Variants in AGBL1 observed in about 807,000 individuals in gnomAD.
AGBL1 encodes cytosolic carboxypeptidase 4.
In AGBL1, 130 loss-of-function variants were observed where a neutral mutation model predicts 118.9. The ratio of observed to expected loss-of-function variants is 1.09; its 90% CI spans 0.95 to 1.26. The LOEUF is 1.26. Among genes scored for constraint, AGBL1 ranks in the 50% most tolerant of loss-of-function variants. The probability of loss-of-function intolerance (pLI) is 0.00; values close to 1 mark genes in which losing one functional copy is unlikely to be tolerated. For missense variants in AGBL1, 1,584 were observed against 1,298.1 expected (o/e 1.22, Z -3.38); for synonymous variants, 555 against 478.9 (o/e 1.16, Z -2.08).
At chr15:86,988,095 A>G (rs774120519) in intron 24 of AGBL1, 10 of 1,613,044 alleles carry the variant, frequency 6.2e-6, no homozygotes, top group Non-Finnish European at 8.5e-6. Flanking sequence ...CCCCGTGAGT[A>G]TGTCAGTTTC....
chr15:86,892,050 A>T (rs933063028), intron 22 of AGBL1, among the ~76,000 whole-genome samples: 5 of 152,214 alleles, frequency 3.3e-5, no homozygotes, highest in Non-Finnish European at 7.3e-5. Context: ...CACTTAGGTC[A>T]ACCCATTTTT....
At chr15:86,840,688 C>A (rs539078603) in intron 22 of AGBL1, among the ~76,000 whole-genome samples, 117 of 152,232 alleles carry the variant, frequency 7.7e-4, no homozygotes, top group Non-Finnish European at 1.4e-3. Context: ...GATCCACCCA[C>A]CTCAGCCTCC....
chr15:86,301,837 C>T (rs895250713), intron 17 of AGBL1, among the ~76,000 whole-genome samples: 1 of 152,066 alleles, frequency 6.6e-6, no homozygotes, highest in South Asian at 2.1e-4. Context: ...ATAAACTCCA[C>T]GTGCCTGGTG....
intron 22 of AGBL1, among the ~76,000 whole-genome samples, chr15:86,893,160 C>T (rs910496239): frequency 1.3e-5 from 2 of 152,048 alleles, no homozygotes; most frequent in Non-Finnish European, 2.9e-5. Context: ...AGGAGACATT[C>T]GGTGGAGCTC....
chr15:87,019,859 A>AGAT (rs1311636869), intron 24 of AGBL1, among the ~76,000 whole-genome samples: 1 of 152,010 alleles, frequency 6.6e-6, no homozygotes, highest in African/African-American at 2.4e-5. Flanking sequence ...ATAATAAAAT[A>AGAT]GATATACCAC....
intron 1 of AGBL1, among the ~76,000 whole-genome samples, chr15:86,103,810 T>C (rs1896874105): frequency 6.6e-6 from 1 of 152,222 alleles, no homozygotes; most frequent in Non-Finnish European, 1.5e-5. Context: ...TTAGCTATTC[T>C]AGGCAATTTG....
chr15:86,715,941 T>A (rs2086631348), intron 22 of AGBL1, among the ~76,000 whole-genome samples: 2 of 151,656 alleles, frequency 1.3e-5, no homozygotes, highest in South Asian at 2.1e-4. Flanking sequence ...TGCCGAGTAG[T>A]CCCAGCTACT....
intron 1 of AGBL1, among the ~76,000 whole-genome samples, chr15:86,080,942 G>T (rs1460393107): frequency 6.6e-6 from 1 of 152,038 alleles, no homozygotes; most frequent in Non-Finnish European, 1.5e-5. Flanking sequence ...TGGGGGCGGG[G>T]GGGGGTCCAT....
Position 86,652,886 on chromosome 15 carries a change from A to T in AGBL1, c.2995-21387A>T, listed in dbSNP as rs147787384. On this transcript the variant is annotated intron_variant, in intron 21 of 22. Transcript: ENST00000614907. ...ATCTAGAGACATTTTGGGTTGTCCTAACTAGGTACGGATGCAATGGGCATC... is the reference window on the plus strand; with the variant it reads ...ATCTAGAGACATTTTGGGTTGTCCTTACTAGGTACGGATGCAATGGGCATC... 1.3e-4 allele frequency among the ~76,000 whole-genome samples: 20 copies of T among 152,202 alleles called. No individual in the cohort carries two copies. The East Asian group carries it at 3.9e-3, about 30-fold the overall frequency.
At chr15:86,514,233 A>C (rs1243392392) in intron 18 of AGBL1, among the ~76,000 whole-genome samples, 2 of 152,066 alleles carry the variant, frequency 1.3e-5, no homozygotes, top group African/African-American at 4.8e-5. Flanking sequence ...TGATTTCAAT[A>C]CAAAATCACA....
chr15:86,536,774 GA>G (rs1567045528), intron 19 of AGBL1, among the ~76,000 whole-genome samples: 1 of 152,210 alleles, frequency 6.6e-6, no homozygotes, highest in Non-Finnish European at 1.5e-5. Context: ...CAGCCTTTGT[GA>G]AGGTCCCTCT....
chr15:87,005,410 A>C (rs2081487864), intron 24 of AGBL1, among the ~76,000 whole-genome samples: 1 of 151,670 alleles, frequency 6.6e-6, no homozygotes. Flanking sequence ...TTTTTCTCTA[A>C]ACTTCTCTTC....
intron 23 of AGBL1, among the ~76,000 whole-genome samples, chr15:86,928,212 G>T (rs1005272620): frequency 3.3e-5 from 5 of 152,134 alleles, no homozygotes; most frequent in African/African-American, 1.2e-4. Context: ...ACTCAAGTAA[G>T]GATGCTGAGC....
intron 22 of AGBL1, among the ~76,000 whole-genome samples, chr15:86,813,151 A>C (rs1031113341): frequency 1.3e-5 from 2 of 152,006 alleles, no homozygotes; most frequent in Admixed American, 6.5e-5. Flanking sequence ...AGCCTCGAAC[A>C]CATGGGACCT....
chr15:86,123,876 T>C (rs1397483506), intron 1 of AGBL1, among the ~76,000 whole-genome samples: 1 of 152,158 alleles, frequency 6.6e-6, no homozygotes, highest in Non-Finnish European at 1.5e-5. Context: ...TGTTTGACTC[T>C]TTTTTATCCA....
chr15:86,295,179 A>G, intron 16 of AGBL1, 76 bp from the exon 17 acceptor site: 1 of 1,491,822 alleles, frequency 6.7e-7, no homozygotes, highest in Admixed American at 1.9e-5. Flanking sequence ...AACTATATGT[A>G]AGCCGTTGTT....
chr15:86,919,526 C>G (rs534072088), downstream of AGBL1, among the ~76,000 whole-genome samples: 5 of 151,704 alleles, frequency 3.3e-5, no homozygotes, highest in African/African-American at 1.2e-4. Flanking sequence ...ACTGAAATCT[C>G]TAGGGCTCAT....
intron 18 of AGBL1, among the ~76,000 whole-genome samples, chr15:86,516,129 C>T (rs2083117706): frequency 6.6e-6 from 1 of 152,142 alleles, no homozygotes; most frequent in African/African-American, 2.4e-5. Context: ...GTCACTTATG[C>T]CTGAGTCTGG....
intron 3 of AGBL1, among the ~76,000 whole-genome samples, chr15:86,152,412 G>C (rs1020914558): frequency 3.9e-5 from 6 of 152,124 alleles, no homozygotes; most frequent in African/African-American, 1.4e-4. Context: ...CAAGAAATGG[G>C]GAAAGGATTC....
Sources: gnomAD v4.1 joint callset for allele counts (sites outside exome capture counted in the v4.1 genomes callset) on GRCh38, gnomAD v4.1.1 for gene constraint, MANE v1.5 for transcripts, NCBI Gene and HGNC (gene_info 2026-07-23, HGNC 2026-07-21) for gene names.